The following KCNH7 variants were observed in gnomAD, a reference collection of about 807,000 sequenced individuals.
KCNH7 encodes voltage-gated inwardly rectifying potassium channel KCNH7.
In KCNH7, 49 loss-of-function variants were observed where a neutral mutation model predicts 120.8. The observed-to-expected ratio is 0.41, with a 90% confidence interval of 0.32 to 0.51. The LOEUF (loss-of-function observed/expected upper bound fraction) is 0.51. Ranked by LOEUF, KCNH7 falls within the 20% of genes least tolerant of loss-of-function variation. The pLI, the probability that KCNH7 is intolerant of heterozygous loss-of-function variation, is 0.38. For synonymous variants in KCNH7, 547 were observed against 516.1 expected (o/e 1.06, Z -0.81); for missense variants, 1,097 against 1,446.6 (o/e 0.76, Z 3.92).
intron 3 of KCNH7, among the ~76,000 whole-genome samples, chr2:162,526,851 G>A (rs1691723358): frequency 6.6e-6 from 1 of 152,058 alleles, no homozygotes; most frequent in South Asian, 2.1e-4. Flanking sequence ...ACAGGCATAG[G>A]AAATCACAAG....
At chr2:162,576,320 C>G (rs1265739787) in intron 2 of KCNH7, among the ~76,000 whole-genome samples, 1 of 151,962 alleles carries the variant, frequency 6.6e-6, no homozygotes, top group East Asian at 1.9e-4. Context: ...GCAACTTTGC[C>G]GGTCATATCA....
rs768921396 is a variant in KCNH7, at chr2:162,371,971, A to G, written c.3449T>C (p.Leu1150Pro). Reference sequence around the variant, plus strand: ...TTGCCGCAGGTGAAGCTCTAAAGAGAGATCACTGTCTTGTTTTAAAAGTGA... The same window carrying G: ...TTGCCGCAGGTGAAGCTCTAAAGAGGGATCACTGTCTTGTTTTAAAAGTGA... ...LTSLLKQDSD[L>P]SLELHLRQRK... Residue 1150 changes from leucine (L) to proline (P), a missense_variant, in exon 16 of 16, where the codon CTC (leucine) becomes CCC (proline). Leu to Pro is a moderately conservative substitution (Grantham distance 98). Transcript: ENST00000332142. 6.2e-7 allele frequency: 1 copy of G among 1,613,866 alleles called. No individual in the cohort carries two copies. The highest frequency in any genetic ancestry group is 8.5e-7 in the Non-Finnish European group (1 of 1,179,876).
intron 6 of KCNH7, among the ~76,000 whole-genome samples, chr2:162,450,256 A>G (rs1488428209): frequency 6.6e-6 from 1 of 152,042 alleles, no homozygotes; most frequent in Non-Finnish European, 1.5e-5. Flanking sequence ...ATCTAAACAC[A>G]TTATCTCTTA....
At chr2:162,479,352 G>A (rs1689849940) in intron 6 of KCNH7, among the ~76,000 whole-genome samples, 1 of 151,656 alleles carries the variant, frequency 6.6e-6, no homozygotes, top group African/African-American at 2.4e-5. Context: ...TTAGATTTTT[G>A]GCAAAATGAA....
chr2:162,520,865 T>A (rs1691499306), intron 3 of KCNH7, among the ~76,000 whole-genome samples: 1 of 151,914 alleles, frequency 6.6e-6, no homozygotes, highest in South Asian at 2.1e-4. Flanking sequence ...TCTTTGGGGA[T>A]GGAAGACAAA....
intron 2 of KCNH7, among the ~76,000 whole-genome samples, chr2:162,608,132 C>A (rs1328334770): frequency 1.3e-5 from 2 of 152,078 alleles, no homozygotes; most frequent in Non-Finnish European, 2.9e-5. Flanking sequence ...ACAAAGGAGT[C>A]ATGTTCTAAA....
At chr2:162,798,780 T>C (rs1396886374) in intron 2 of KCNH7, among the ~76,000 whole-genome samples, 2 of 152,044 alleles carry the variant, frequency 1.3e-5, no homozygotes, top group African/African-American at 2.4e-5. Context: ...TAGAGACCTT[T>C]AACAATTTTT....
intron 2 of KCNH7, among the ~76,000 whole-genome samples, chr2:162,737,798 C>T (rs1239162133): frequency 6.6e-6 from 1 of 152,070 alleles, no homozygotes; most frequent in Non-Finnish European, 1.5e-5. Context: ...GGTGTGGTAG[C>T]TCACGCCTGT....
chr2:162,374,249 G>T lies in KCNH7; in HGVS notation c.3132-587C>A, dbSNP rs902476704. ...CCCTCTTAATATGTCATGGCCTTTG[G>T]TATGTAAGAAGCAGACCAAACTTGA... is the stretch of plus-strand genomic sequence containing the variant. On this transcript the variant is annotated intron_variant, in intron 14 of 15. Transcript: ENST00000332142. Among the ~76,000 whole-genome samples, 4 of 152,000 alleles carry T rather than the reference G, an allele frequency of 2.6e-5. No individual in the cohort carries two copies. The East Asian group carries it at 7.7e-4, about 29-fold the overall frequency.
chr2:162,650,973 T>C (rs903239061), intron 2 of KCNH7, among the ~76,000 whole-genome samples: 11 of 152,166 alleles, frequency 7.2e-5, no homozygotes, highest in South Asian at 2.1e-4. Context: ...CATTCAGAGA[T>C]AGCATATTGA....
chr2:162,511,855 G>A (rs1691090421), intron 5 of KCNH7, among the ~76,000 whole-genome samples: 1 of 151,662 alleles, frequency 6.6e-6, no homozygotes, highest in East Asian at 2.0e-4. Flanking sequence ...CACAAAATAA[G>A]TCACAATCAC....
chr2:162,384,969 T>A, intron 12 of KCNH7, 30 bp from the exon 13 acceptor site: 1 of 1,561,068 alleles, frequency 6.4e-7, no homozygotes, highest in Non-Finnish European at 8.7e-7. Context: ...AGAAAAGTTA[T>A]TTTATAGCAG....
At chr2:162,810,814 T>C (rs2105567400) in intron 2 of KCNH7, among the ~76,000 whole-genome samples, 1 of 152,302 alleles carries the variant, frequency 6.6e-6, no homozygotes, top group South Asian at 2.1e-4. Context: ...TGATGCAATA[T>C]GTGCCTCTAA....
At chr2:162,673,340 C>T (rs576850345) in intron 2 of KCNH7, among the ~76,000 whole-genome samples, 3 of 151,952 alleles carry the variant, frequency 2.0e-5, no homozygotes, top group South Asian at 2.1e-4. Context: ...ATGAAAAGGA[C>T]GAAACAACAT....
rs79940929 is a variant in KCNH7 at position 162,493,701 on chromosome 2, A to G, written c.1128+10742T>C. ...TACACTAAAATTAAAAATTGCTAAG[A>G]GTTGCCATCATAACATGTAATTGAG... On this transcript the variant is annotated intron_variant, in intron 6 of 15. Coordinates refer to ENST00000332142, the MANE Select transcript of KCNH7 (RefSeq NM_033272.4). 0.014 allele frequency among the ~76,000 whole-genome samples: 2,083 copies of G among 152,318 alleles called. 232 individuals carry two copies. In the East Asian group the frequency reaches 0.3, roughly 22 times the overall value.
At chr2:162,711,102 G>A (rs1686914049) in intron 2 of KCNH7, among the ~76,000 whole-genome samples, 3 of 152,128 alleles carry the variant, frequency 2.0e-5, no homozygotes, top group South Asian at 2.1e-4. Flanking sequence ...TAATAGGAAA[G>A]TCTTTGAAAC....
intron 2 of KCNH7, among the ~76,000 whole-genome samples, chr2:162,677,737 C>G (rs534018425): frequency 5.3e-5 from 8 of 151,592 alleles, no homozygotes; most frequent in African/African-American, 1.9e-4. Context: ...TTCTGTCAAA[C>G]ATCTTTCCAA....
intron 2 of KCNH7, among the ~76,000 whole-genome samples, chr2:162,763,456 C>T (rs1689032692): frequency 6.6e-6 from 1 of 152,148 alleles, no homozygotes; most frequent in Admixed American, 6.6e-5. Context: ...CAATTACTCA[C>T]TGCAAGTTAC....
intron 3 of KCNH7, among the ~76,000 whole-genome samples, chr2:162,518,567 T>C (rs1459004640): frequency 6.6e-6 from 1 of 151,784 alleles, no homozygotes; most frequent in Non-Finnish European, 1.5e-5. Flanking sequence ...ATAGCCTACA[T>C]ACATGTATGG....
Sources: gnomAD v4.1 joint callset for allele counts (sites outside exome capture counted in the v4.1 genomes callset) on GRCh38, gnomAD v4.1.1 for gene constraint, MANE v1.5 for transcripts, NCBI Gene and HGNC (gene_info 2026-07-23, HGNC 2026-07-21) for gene names.